FRK: variants seen among roughly 807,000 people sequenced by gnomAD.
The protein encoded by FRK is fyn related Src family tyrosine kinase.
A neutral mutation model predicts 56.4 loss-of-function variants in FRK; 51 were observed. That is an observed-to-expected ratio of 0.90 (90% CI 0.72 to 1.14). FRK has a LOEUF of 1.14. Ranked by LOEUF, FRK falls within the 50% of genes most tolerant of loss-of-function variation. The pLI, the probability that FRK is intolerant of heterozygous loss-of-function variation, is 0.00. For synonymous variants in FRK, 245 were observed against 217.9 expected, an observed-to-expected ratio of 1.12 and a Z score of -1.10; for missense variants, 570 against 601.4, an observed-to-expected ratio of 0.95 and a Z score of 0.55.
intron 2 of FRK, among the ~76,000 whole-genome samples, chr6:115,976,408 T>A (rs1773992538): frequency 6.6e-6 from 1 of 152,096 alleles, no homozygotes; most frequent in Non-Finnish European, 1.5e-5. Context: ...AAGTTTGGAA[T>A]ATAACATAAA....
chr6:116,092,580 C>T, the FRK span, among the ~76,000 whole-genome samples: 6 of 152,144 alleles, frequency 3.9e-5, no homozygotes, highest in Admixed American at 6.5e-5. Flanking sequence ...CCACTAAATC[C>T]GACCTTCCTC....
At chr6:116,071,785 TAAATA>T in the FRK span, among the ~76,000 whole-genome samples, 1 of 152,124 alleles carries the variant, frequency 6.6e-6, no homozygotes, top group African/African-American at 2.4e-5. Flanking sequence ...GATATAAAAT[TAAATA>T]AAATAAGCCT....
chr6:116,039,475 A>C, intron 1 of FRK: 1 of 1,536,786 alleles, frequency 6.5e-7, no homozygotes, highest in Non-Finnish European at 9.0e-7. Context: ...ATTCGTGGAC[A>C]TCATCAATGC....
At chr6:115,949,619 A>G (rs1772630431) in intron 5 of FRK, among the ~76,000 whole-genome samples, 1 of 152,222 alleles carries the variant, frequency 6.6e-6, no homozygotes, top group Non-Finnish European at 1.5e-5. Context: ...AAAGTAATTT[A>G]AAGATTCAAT....
intron 4 of FRK, among the ~76,000 whole-genome samples, chr6:115,966,482 G>C (rs916667494): frequency 6.6e-6 from 1 of 152,162 alleles, no homozygotes; most frequent in Non-Finnish European, 1.5e-5. Context: ...AATTCACCAT[G>C]GTGCCCCCAT....
intron 1 of FRK, among the ~76,000 whole-genome samples, chr6:116,053,499 A>G (rs1255904038): frequency 6.6e-6 from 1 of 152,204 alleles, no homozygotes; most frequent in East Asian, 1.9e-4. Context: ...CTTGACTTCT[A>G]TTCATCAAAA....
intron 4 of FRK, among the ~76,000 whole-genome samples, chr6:115,958,634 GGAAAGAAAGAAA>G (rs1773114645): frequency 2.0e-4 from 11 of 55,716 alleles, no homozygotes; most frequent in African/African-American, 6.5e-4. Flanking sequence ...TCTCAAAAAA[GGAAAGAAAGAAA>G]AGAAAGAAAG....
intron 2 of FRK, among the ~76,000 whole-genome samples, chr6:115,985,026 G>A (rs1026609204): frequency 3.9e-5 from 6 of 152,124 alleles, no homozygotes; most frequent in African/African-American, 1.4e-4. Context: ...TTGAAAGGCA[G>A]CATGGTGGGG....
chr6:116,077,756 C>A, the FRK span, among the ~76,000 whole-genome samples: 1 of 152,206 alleles, frequency 6.6e-6, no homozygotes, highest in Non-Finnish European at 1.5e-5. Context: ...ATCTCGATGT[C>A]ATCATGCCTA....
At chr6:116,017,628 C>G (rs1775703517) in intron 1 of FRK, among the ~76,000 whole-genome samples, 1 of 152,112 alleles carries the variant, frequency 6.6e-6, no homozygotes, top group South Asian at 2.1e-4. Context: ...TTCTCAAACT[C>G]CAGTTTCTGA....
rs1772995013 is a variant in FRK at position 115,956,447 on chromosome 6, C to A, written c.958+5G>T. 6 of 1,505,226 alleles carry A rather than the reference C, an allele frequency of 4.0e-6. No homozygotes were observed. The highest frequency in any genetic ancestry group is 5.3e-6 in the Non-Finnish European group (6 of 1,124,338). 93.2% of individuals were successfully genotyped at this position (1,505,226 alleles called of 1,614,324 possible). A position where few individuals can be genotyped will look rare whatever the true frequency, so the allele number is the denominator to read the frequency against. Reference sequence around the variant, plus strand: ...TTTTTTCCTTGTATTAAGTCTTTAGCTTACTTTGGAGATATTCTTGCAGAC... The same window carrying A: ...TTTTTTCCTTGTATTAAGTCTTTAGATTACTTTGGAGATATTCTTGCAGAC... On this transcript the variant is annotated splice_donor_5th_base_variant and intron_variant, in intron 5 of 7. Transcript: ENST00000606080.
chr6:116,003,950 T>TA lies in FRK; in HGVS notation c.392dup (p.Leu131PhefsTer16). Reference sequence around the variant, plus strand: ...AGGAACCGGTCTTGTTTTCTGAATATAATAGTTGTTTCTCTGCATCTGATC... The same window carrying TA: ...AGGAACCGGTCTTGTTTTCTGAATATAAATAGTTGTTTCTCTGCATCTGATC... On this transcript the variant is annotated frameshift_variant, in exon 2 of 8. Coordinates refer to ENST00000606080, the MANE Select transcript of FRK (RefSeq NM_002031.3). LOFTEE classifies it high-confidence loss of function. 6.2e-7 allele frequency: 1 copy of TA among 1,613,128 alleles called. No homozygotes were observed. The highest frequency in any genetic ancestry group is 8.5e-7 in the Non-Finnish European group (1 of 1,179,296).
At chr6:115,992,647 G>A (rs1240619636) in intron 2 of FRK, among the ~76,000 whole-genome samples, 2 of 151,836 alleles carry the variant, frequency 1.3e-5, no homozygotes, top group Admixed American at 6.6e-5. Context: ...ACCATGCTAT[G>A]TCTTGAGTAC....
chr6:116,087,956 C>A, the FRK span, among the ~76,000 whole-genome samples: 3 of 152,206 alleles, frequency 2.0e-5, no homozygotes, highest in Non-Finnish European at 4.4e-5. Context: ...GCCATAGGAG[C>A]CCAAGTACAA....
intron 6 of FRK, among the ~76,000 whole-genome samples, chr6:115,943,565 T>C (rs1479897193): frequency 6.6e-6 from 1 of 151,522 alleles, no homozygotes; most frequent in Non-Finnish European, 1.5e-5. Context: ...CTGACTTTGA[T>C]AATTACCATG....
chr6:116,080,453 C>CA, the FRK span, among the ~76,000 whole-genome samples: 27 of 152,152 alleles, frequency 1.8e-4, no homozygotes, highest in African/African-American at 6.3e-4. Context: ...TGCACTGGGC[C>CA]AAAAAAGCCT....
At chr6:116,058,786 C>CT (rs1777496475) in intron 1 of FRK, among the ~76,000 whole-genome samples, 3 of 151,972 alleles carry the variant, frequency 2.0e-5, no homozygotes. Flanking sequence ...TGGCAGGCGC[C>CT]TGTAGTCCCA....
intron 1 of FRK, among the ~76,000 whole-genome samples, chr6:116,046,365 A>C (rs1268777361): frequency 1.3e-5 from 2 of 152,254 alleles, no homozygotes; most frequent in Non-Finnish European, 2.9e-5. Flanking sequence ...ACAACAGCAA[A>C]GACTTGGAAC....
chr6:116,097,106 A>T, the FRK span, among the ~76,000 whole-genome samples: 7 of 151,904 alleles, frequency 4.6e-5, no homozygotes, highest in South Asian at 1.5e-3. Context: ...AGTATTTTTT[A>T]TTAAGAAATG....
Sources: gnomAD v4.1 joint callset for allele counts (sites outside exome capture counted in the v4.1 genomes callset) on GRCh38, gnomAD v4.1.1 for gene constraint, MANE v1.5 for transcripts, NCBI Gene and HGNC (gene_info 2026-07-23, HGNC 2026-07-21) for gene names.